The following SMAD2 variants were observed in gnomAD, a reference collection of about 807,000 sequenced individuals.
The protein encoded by SMAD2 is SMAD family member 2, also known as MAD homolog 2.
Under a neutral mutation model 64.4 loss-of-function variants are expected in SMAD2, and 8 were observed. The ratio of observed to expected loss-of-function variants is 0.12; its 90% CI spans 0.07 to 0.22. The LOEUF (loss-of-function observed/expected upper bound fraction) is 0.22. SMAD2 is among the 10% of genes least tolerant of loss of function. The probability of loss-of-function intolerance (pLI) is 1.00; values close to 1 mark genes in which losing one functional copy is unlikely to be tolerated. For synonymous variants in SMAD2, 203 were observed against 195.8 expected, an observed-to-expected ratio of 1.04 and a Z score of -0.31; for missense variants, 289 against 561.2, an observed-to-expected ratio of 0.51 and a Z score of 4.90.
intron 2 of SMAD2, among the ~76,000 whole-genome samples, chr18:47,883,473 T>C (rs2032725376): frequency 1.3e-5 from 2 of 152,222 alleles, no homozygotes; most frequent in Non-Finnish European, 1.5e-5. Flanking sequence ...TTGGGTTTAG[T>C]ATTCTATAAA....
chr18:47,928,686 G>A (rs866357306), intron 1 of SMAD2, among the ~76,000 whole-genome samples: 4 of 152,202 alleles, frequency 2.6e-5, no homozygotes, highest in South Asian at 2.1e-4. Flanking sequence ...AGTAAACGTA[G>A]GTTACAACCT....
chr18:47,869,850 G>C (rs1377171159), intron 3 of SMAD2, among the ~76,000 whole-genome samples: 1 of 152,130 alleles, frequency 6.6e-6, no homozygotes, highest in African/African-American at 2.4e-5. Flanking sequence ...TGTGAAGAAT[G>C]ATAAATACCA....
intron 1 of SMAD2, among the ~76,000 whole-genome samples, chr18:47,898,887 A>ATT (rs5824714): frequency 0.027 from 3,950 of 148,948 alleles, 97 homozygotes; most frequent in African/African-American, 0.069. Flanking sequence ...GCATTCAACA[A>ATT]TTTTTTTTTT....
chr18:47,858,094 T>C (rs912594559), intron 6 of SMAD2, among the ~76,000 whole-genome samples: 1 of 152,128 alleles, frequency 6.6e-6, no homozygotes, highest in Non-Finnish European at 1.5e-5. Context: ...TAATCTCTAA[T>C]ATTATTATAT....
At position 47,827,179 on chromosome 18, in the gene SMAD2, A is replaced by C. The variant is rs1213340321; in HGVS notation, c.*14648T>G. The C allele has an allele frequency of 6.6e-6, 1 of 152,248 alleles. No individual in the cohort carries two copies. Among genetic ancestry groups the C allele is most frequent in the African/African-American group, 2.4e-5 (1 of 41,470 alleles). 9.4% of individuals were successfully genotyped at this position (152,248 alleles called of 1,614,324 possible). On this transcript the variant is annotated 3_prime_UTR_variant, in exon 11 of 11. Coordinates refer to ENST00000262160, the MANE Select transcript of SMAD2 (RefSeq NM_005901.6). ...TAGGCAATTGAGTTTTCATTCTATT[A>C]TCCAAGGTAACTGAAGTATTTGACT...
At chr18:47,922,880 C>T (rs2034617036) in intron 1 of SMAD2, among the ~76,000 whole-genome samples, 1 of 152,192 alleles carries the variant, frequency 6.6e-6, no homozygotes. Flanking sequence ...AAACCTAGGT[C>T]GGCCCCCATG....
intron 6 of SMAD2, among the ~76,000 whole-genome samples, chr18:47,861,706 G>A (rs2031202251): frequency 6.6e-6 from 1 of 152,170 alleles, no homozygotes; most frequent in South Asian, 2.1e-4. Flanking sequence ...TTATAGAGCT[G>A]ATCCTAAACC....
chr18:47,888,127 A>G (rs2033004591), intron 2 of SMAD2, among the ~76,000 whole-genome samples: 2 of 152,144 alleles, frequency 1.3e-5, no homozygotes, highest in South Asian at 4.1e-4. Flanking sequence ...ACATTCTGCT[A>G]TAGTTCCAAC....
Position 47,833,778 on chromosome 18 carries a change from G to A in SMAD2, c.*8049C>T. ...ACAACACATTCTGGCTTCTCGAGCAGAACAGACTGGGAAATGCAGTAGACG... is the reference window on the plus strand; with the variant it reads ...ACAACACATTCTGGCTTCTCGAGCAAAACAGACTGGGAAATGCAGTAGACG... On this transcript the variant is annotated 3_prime_UTR_variant, in exon 11 of 11. Coordinates refer to ENST00000262160, the MANE Select transcript of SMAD2 (RefSeq NM_005901.6). The A allele has an allele frequency of 4.3e-6, 1 of 231,034 alleles. No homozygotes were observed. 14.3% of individuals were successfully genotyped at this position (231,034 alleles called of 1,614,324 possible).
chr18:47,850,906 T>C (rs1463779969), intron 7 of SMAD2, among the ~76,000 whole-genome samples: 1 of 115,712 alleles, frequency 8.6e-6, no homozygotes, highest in East Asian at 2.4e-4. Flanking sequence ...TACGTATACA[T>C]GTATACATAT....
At chr18:47,885,132 TACACACACACACACAC>T (rs57342899) in intron 2 of SMAD2, among the ~76,000 whole-genome samples, 3,455 of 142,174 alleles carry the variant, frequency 0.024, 92 homozygotes, top group East Asian at 0.11. Context: ...TTTAGTCATA[TACACACACACACACAC>T]ACACACACAC....
chr18:47,856,344 T>C (rs1404159452), intron 6 of SMAD2, among the ~76,000 whole-genome samples: 2 of 152,218 alleles, frequency 1.3e-5, no homozygotes, highest in Non-Finnish European at 2.9e-5. Context: ...TAGGTGCTCT[T>C]ATCACACACA....
Position 47,845,328 on chromosome 18 carries a change from T to G in SMAD2, c.1280+12A>C, listed in dbSNP as rs200110876. The G allele has an allele frequency of 1.2e-6, 2 of 1,611,812 alleles. No individual in the cohort carries two copies. The highest frequency in any genetic ancestry group is 3.3e-5 in the Admixed American group (2 of 60,018). ...ACTGTGGAAATTTAAGAACCAAATA[T>G]GTATTTCATACCGGTATTCTGCTCC... is the stretch of plus-strand genomic sequence containing the variant. On this transcript the variant is annotated intron_variant, in intron 10 of 10. Transcript: ENST00000262160.
At chr18:47,928,514 G>GT (rs2034859570) in intron 1 of SMAD2, among the ~76,000 whole-genome samples, 1 of 152,184 alleles carries the variant, frequency 6.6e-6, no homozygotes, top group Non-Finnish European at 1.5e-5. Context: ...CTAAAGTTCT[G>GT]TTGAAATACC....
rs1159216803 is a variant in SMAD2 at position 47,811,084 on chromosome 18, G to GA, written c.*30742dup. The stretch of plus-strand genomic sequence containing the variant: ...CCCCAAGCCCCAAATGTGCAATAAA[G>GA]AAAGTAAAAATTAGTTGCTGTCCAC... On this transcript the variant is annotated 3_prime_UTR_variant, in exon 11 of 11. Transcript: ENST00000262160. 6.6e-6 allele frequency: 1 copy of GA among 152,262 alleles called. No individual in the cohort carries two copies. The highest frequency in any genetic ancestry group is 1.5e-5 in the Non-Finnish European group (1 of 68,126). The allele number at this position is 152,262 out of a possible 1,614,324, so 9.4% of individuals were successfully genotyped here.
intron 2 of SMAD2, among the ~76,000 whole-genome samples, chr18:47,874,935 G>A (rs1375124594): frequency 6.6e-6 from 1 of 152,098 alleles, no homozygotes; most frequent in Non-Finnish European, 1.5e-5. Flanking sequence ...AGAATAAAAT[G>A]CAAGTCAATG....
rs1912381144 is a variant in SMAD2 at position 47,816,683 on chromosome 18, T to C, written c.*25144A>G. 1 of 152,182 alleles carries C rather than the reference T, an allele frequency of 6.6e-6. No homozygotes were observed. Among genetic ancestry groups the C allele is most frequent in the Non-Finnish European group, 1.5e-5 (1 of 68,018 alleles). 9.4% of individuals were successfully genotyped at this position (152,182 alleles called of 1,614,324 possible). On this transcript the variant is annotated 3_prime_UTR_variant, in exon 11 of 11. Coordinates refer to ENST00000262160, the MANE Select transcript of SMAD2 (RefSeq NM_005901.6). ...ACCAACGACAATTATTTCAAAACAA[T>C]TATACAACCCTCATTTTTCTTTAAA...
intron 10 of SMAD2, among the ~76,000 whole-genome samples, chr18:47,842,814 T>C (rs554616761): frequency 8.5e-5 from 13 of 152,314 alleles, no homozygotes; most frequent in East Asian, 5.8e-4. Context: ...GGGCTTTTAA[T>C]AGTGCTTCAA....
intron 2 of SMAD2, among the ~76,000 whole-genome samples, chr18:47,885,098 A>G (rs2032811897): frequency 6.6e-6 from 1 of 151,668 alleles, no homozygotes; most frequent in Non-Finnish European, 1.5e-5. Context: ...TTACTTTAAT[A>G]ACATAGCTTA....
Sources: gnomAD v4.1 joint callset for allele counts (sites outside exome capture counted in the v4.1 genomes callset) on GRCh38, gnomAD v4.1.1 for gene constraint, MANE v1.5 for transcripts, NCBI Gene and HGNC (gene_info 2026-07-23, HGNC 2026-07-21) for gene names.